Variants in PCDH9 observed in about 807,000 individuals in gnomAD.
PCDH9 encodes protocadherin 9.
PCDH9 carries 24 observed loss-of-function variants against 70.6 expected under a neutral mutation model. The ratio of observed to expected loss-of-function variants is 0.34; its 90% CI spans 0.25 to 0.48. The LOEUF (loss-of-function observed/expected upper bound fraction) is 0.48. Among genes scored for constraint, PCDH9 ranks in the 20% least tolerant of loss-of-function variants. The pLI, the probability that PCDH9 is intolerant of heterozygous loss-of-function variation, is 0.99. For missense variants in PCDH9, 1,281 were observed against 1,503.6 expected, an observed-to-expected ratio of 0.85 and a Z score of 2.45; for synonymous variants, 562 against 558.5, an observed-to-expected ratio of 1.01 and a Z score of -0.09.
chr13:66,510,981 G>A (rs943019991), intron 4 of PCDH9, among the ~76,000 whole-genome samples: 7 of 152,248 alleles, frequency 4.6e-5, no homozygotes, highest in Admixed American at 1.3e-4. Flanking sequence ...TGGAAGCCAA[G>A]AAATTTGTTG....
At chr13:66,804,595 C>G (rs2139347448) in intron 3 of PCDH9, among the ~76,000 whole-genome samples, 1 of 152,248 alleles carries the variant, frequency 6.6e-6, no homozygotes, top group East Asian at 1.9e-4. Context: ...CAGCAAGCCT[C>G]TTTTGCCCAA....
intron 2 of PCDH9, among the ~76,000 whole-genome samples, chr13:67,151,459 G>T (rs746192688): frequency 1.3e-5 from 2 of 152,044 alleles, no homozygotes; most frequent in South Asian, 2.1e-4. Context: ...GCAGAATTGG[G>T]TTCTACTGGT....
chr13:66,367,380 A>C (rs1593866268), intron 4 of PCDH9, among the ~76,000 whole-genome samples: 1 of 152,314 alleles, frequency 6.6e-6, no homozygotes, highest in Non-Finnish European at 1.5e-5. Flanking sequence ...CAAATACAAA[A>C]GTCAATAAAC....
chr13:66,747,123 G>T lies in PCDH9; in HGVS notation c.3139-115712C>A, dbSNP rs567316589. On this transcript the variant is annotated intron_variant, in intron 3 of 4. Transcript: ENST00000377865. The stretch of plus-strand genomic sequence containing the variant: ...TCCCAGCGCCTTGGGAGGCAGAGGC[G>T]GGTGGATCACGAGGTCAGGAGTTCA... Among the ~76,000 whole-genome samples, 5 of 152,164 alleles carry T rather than the reference G, an allele frequency of 3.3e-5. No individual in the cohort carries two copies. In the South Asian group the frequency reaches 8.3e-4, roughly 25 times the overall value.
intron 2 of PCDH9, among the ~76,000 whole-genome samples, chr13:66,932,700 G>A (rs1011379681): frequency 6.4e-4 from 72 of 111,842 alleles, no homozygotes; most frequent in East Asian, 3.3e-3. Flanking sequence ...ACACACGTAT[G>A]TATATATCAT....
chr13:66,790,872 T>C (rs1344888601), intron 3 of PCDH9, among the ~76,000 whole-genome samples: 2 of 152,182 alleles, frequency 1.3e-5, no homozygotes, highest in East Asian at 3.8e-4. Context: ...CTATACTGTT[T>C]TTAAAATTGT....
In PCDH9 at chr13:66,648,101, C is replaced by G. The variant is rs187049321; in HGVS notation, c.3139-16690G>C. Among the ~76,000 whole-genome samples, 264 of 152,314 alleles carry G rather than the reference C, an allele frequency of 1.7e-3. 1 individual carries two copies. Among genetic ancestry groups the G allele is most frequent in the African/African-American group, 6.0e-3 (250 of 41,576 alleles). ...CCAGGCTTTGGCTTCCAGACAACAT[C>G]CCTGAATCTGCCTGGAGCCAAGATA... On this transcript the variant is annotated intron_variant, in intron 3 of 4. Coordinates refer to ENST00000377865, the MANE Select transcript of PCDH9 (RefSeq NM_203487.3).
At chr13:66,500,571 T>C (rs1959171932) in intron 4 of PCDH9, among the ~76,000 whole-genome samples, 1 of 152,026 alleles carries the variant, frequency 6.6e-6, no homozygotes, top group Admixed American at 6.6e-5. Flanking sequence ...TGGTAAGAAG[T>C]GCTCAAAAAA....
In PCDH9 at chr13:67,167,542, C is replaced by A. The variant is rs190692593; in HGVS notation, c.3036+57863G>T. On this transcript the variant is annotated intron_variant, in intron 2 of 4. Transcript: ENST00000377865. ...AACCATAGAAAAGCTTTTGATATGG[C>A]CTTCTAACTCATTTGCTTTAAGTCA... Among the ~76,000 whole-genome samples the A allele has an allele frequency of 1.1e-3, 164 of 152,146 alleles. 1 individual carries two copies. The highest frequency in any genetic ancestry group is 3.8e-3 in the African/African-American group (157 of 41,484).
intron 4 of PCDH9, among the ~76,000 whole-genome samples, chr13:66,587,011 G>A (rs1302244332): frequency 2.0e-5 from 3 of 152,004 alleles, no homozygotes; most frequent in East Asian, 3.9e-4. Context: ...TTATCACTGC[G>A]AGTACGGCAC....
At chr13:66,494,720 T>C (rs1430132021) in intron 4 of PCDH9, among the ~76,000 whole-genome samples, 2 of 152,294 alleles carry the variant, frequency 1.3e-5, no homozygotes, top group South Asian at 4.2e-4. Flanking sequence ...GTTTGTGGGA[T>C]ATTTCACAAG....
chr13:67,083,216 A>T (rs2086022155), intron 2 of PCDH9, among the ~76,000 whole-genome samples: 1 of 152,124 alleles, frequency 6.6e-6, no homozygotes, highest in Non-Finnish European at 1.5e-5. Context: ...ATTAAAATGC[A>T]TTTATTTTCT....
At chr13:66,994,281 G>T (rs1183660431) in intron 2 of PCDH9, among the ~76,000 whole-genome samples, 2 of 152,162 alleles carry the variant, frequency 1.3e-5, no homozygotes, top group East Asian at 3.9e-4. Context: ...CCAGCAAATG[G>T]CTGCTGCCAG....
At chr13:66,839,367 C>G (rs540245971) in intron 3 of PCDH9, among the ~76,000 whole-genome samples, 59 of 152,254 alleles carry the variant, frequency 3.9e-4, no homozygotes, top group African/African-American at 1.4e-3. Context: ...TTTCTTTTCT[C>G]TAGTGTCTTT....
At chr13:66,882,836 G>C (rs1049749597) in intron 3 of PCDH9, among the ~76,000 whole-genome samples, 1 of 152,072 alleles carries the variant, frequency 6.6e-6, no homozygotes, top group African/African-American at 2.4e-5. Flanking sequence ...ATACCTCAGT[G>C]CATAAGGTCT....
chr13:66,618,556 A>T (rs1453044402), intron 4 of PCDH9, among the ~76,000 whole-genome samples: 1 of 152,140 alleles, frequency 6.6e-6, no homozygotes, highest in Non-Finnish European at 1.5e-5. Context: ...TATTATGAGA[A>T]TATATTCTTT....
intron 4 of PCDH9, among the ~76,000 whole-genome samples, chr13:66,458,888 T>C (rs905007164): frequency 6.6e-6 from 1 of 151,986 alleles, no homozygotes; most frequent in African/African-American, 2.4e-5. Context: ...CTCACAAAGA[T>C]GATACTCTGC....
chr13:66,319,098 A>C (rs530473350), intron 4 of PCDH9, among the ~76,000 whole-genome samples: 2 of 152,316 alleles, frequency 1.3e-5, no homozygotes, highest in South Asian at 4.1e-4. Context: ...ATTCACAATC[A>C]TGGTGGAAGG....
At chr13:66,450,108 G>A (rs1049129654) in intron 4 of PCDH9, among the ~76,000 whole-genome samples, 2 of 151,996 alleles carry the variant, frequency 1.3e-5, no homozygotes, top group African/African-American at 4.8e-5. Context: ...AAAAAACACA[G>A]ACAACTACAT....
Sources: gnomAD v4.1 joint callset for allele counts (sites outside exome capture counted in the v4.1 genomes callset) on GRCh38, gnomAD v4.1.1 for gene constraint, MANE v1.5 for transcripts, NCBI Gene and HGNC (gene_info 2026-07-23, HGNC 2026-07-21) for gene names.